The following SAMD12 variants were observed in gnomAD, a reference collection of about 807,000 sequenced individuals.
The protein encoded by SAMD12 is sterile alpha motif domain containing 12.
Under a neutral mutation model 15.0 loss-of-function variants are expected in SAMD12, and 9 were observed. The ratio of observed to expected loss-of-function variants is 0.60; its 90% confidence interval spans 0.36 to 1.05. The LOEUF is 1.05. Ranked by LOEUF, SAMD12 falls within the 50% of genes least tolerant of loss-of-function variation. SAMD12 has a pLI of 0.01. For synonymous variants in SAMD12, 86 were observed against 90.1 expected (o/e 0.96, Z 0.25); for missense variants, 230 against 234.2 (o/e 0.98, Z 0.12).
Position 118,537,841 on chromosome 8 carries a change from C to T in SAMD12, c.192+42874G>A, listed in dbSNP as rs143312525. 1.9e-3 allele frequency among the ~76,000 whole-genome samples: 282 copies of T among 152,240 alleles called. 1 individual carries two copies. The highest frequency in any genetic ancestry group is 5.5e-3 in the African/African-American group (227 of 41,534). On this transcript the variant is annotated intron_variant, in intron 2 of 3. Coordinates refer to ENST00000314727, the MANE Select transcript of SAMD12 (RefSeq NM_207506.3). The stretch of plus-strand genomic sequence containing the variant: ...AGTCCTTTTGTTGAGGTAATGTTTT[C>T]CTGGATTACACTGATGCTTGTCAGT...
At chr8:118,594,424 A>G (rs952188238) in intron 1 of SAMD12, among the ~76,000 whole-genome samples, 6 of 152,180 alleles carry the variant, frequency 3.9e-5, no homozygotes, top group Non-Finnish European at 8.8e-5. Flanking sequence ...AAAAAAACCT[A>G]TAGAAACTCT....
At chr8:118,257,352 A>G (rs1401664053) in intron 4 of SAMD12, among the ~76,000 whole-genome samples, 2 of 152,220 alleles carry the variant, frequency 1.3e-5, no homozygotes, top group East Asian at 3.9e-4. Context: ...ACCTATCTGA[A>G]ATGCTGAGAC....
intron 2 of SAMD12, among the ~76,000 whole-genome samples, chr8:118,476,856 G>A (rs1408062211): frequency 3.9e-5 from 6 of 152,176 alleles, no homozygotes; most frequent in Middle Eastern, 3.4e-3. Flanking sequence ...TCTTTAGCTC[G>A]AGTAGTTCTC....
intron 4 of SAMD12, among the ~76,000 whole-genome samples, chr8:118,224,633 CAAAT>C (rs1194391865): frequency 1.3e-5 from 2 of 152,028 alleles, no homozygotes; most frequent in African/African-American, 2.4e-5. Context: ...GAAAATAAAA[CAAAT>C]AAAAGGGATT....
chr8:118,285,798 G>C (rs1048333386), intron 4 of SAMD12, among the ~76,000 whole-genome samples: 3 of 152,226 alleles, frequency 2.0e-5, no homozygotes, highest in Admixed American at 2.0e-4. Context: ...TCTGGTGCAT[G>C]ATGGGTGTAC....
intron 4 of SAMD12, among the ~76,000 whole-genome samples, chr8:118,341,118 C>T (rs1453206680): frequency 6.6e-6 from 1 of 152,168 alleles, no homozygotes; most frequent in Non-Finnish European, 1.5e-5. Context: ...CACCTTAGCG[C>T]TCCTTGACCT....
At chr8:118,541,678 T>G (rs1194095951) in intron 2 of SAMD12, among the ~76,000 whole-genome samples, 1 of 152,170 alleles carries the variant, frequency 6.6e-6, no homozygotes, top group African/African-American at 2.4e-5. Flanking sequence ...AGATTGTAAA[T>G]TCCTTATAGA....
chr8:118,436,160 CACTG>C (rs1822570480), intron 3 of SAMD12, among the ~76,000 whole-genome samples: 1 of 152,106 alleles, frequency 6.6e-6, no homozygotes, highest in African/African-American at 2.4e-5. Flanking sequence ...CTACATGGAT[CACTG>C]ACTATCTTAC....
chr8:118,598,450 A>G (rs1827777227), intron 1 of SAMD12, among the ~76,000 whole-genome samples: 1 of 152,212 alleles, frequency 6.6e-6, no homozygotes, highest in Non-Finnish European at 1.5e-5. Context: ...AAACCTGCTG[A>G]CACCTTGATC....
chr8:118,598,529 T>C (rs1827779391), intron 1 of SAMD12, among the ~76,000 whole-genome samples: 1 of 152,240 alleles, frequency 6.6e-6, no homozygotes. Context: ...GTCTGTGATA[T>C]TTTGTTATGG....
intron 1 of SAMD12, among the ~76,000 whole-genome samples, chr8:118,604,206 T>A (rs1179988119): frequency 6.6e-6 from 1 of 152,204 alleles, no homozygotes; most frequent in Admixed American, 6.5e-5. Flanking sequence ...AGTACAATGT[T>A]GTCAGCATCA....
downstream of SAMD12, among the ~76,000 whole-genome samples, chr8:118,184,832 CT>C (rs562702398): frequency 1.3e-5 from 2 of 152,068 alleles, no homozygotes; most frequent in Non-Finnish European, 2.9e-5. Context: ...TTCACCCTCT[CT>C]CTAATTCCCC....
chr8:118,607,370 G>T lies in SAMD12; in HGVS notation c.13+14434C>A, dbSNP rs570612184. Among the ~76,000 whole-genome samples the T allele has an allele frequency of 2.0e-4, 31 of 152,156 alleles. No homozygotes were observed. In the South Asian group the frequency reaches 2.3e-3, roughly 11 times the overall value. On this transcript the variant is annotated intron_variant, in intron 1 of 3. Coordinates refer to ENST00000314727, the MANE Select transcript of SAMD12 (RefSeq NM_207506.3). Reference sequence around the variant, plus strand: ...CCTGCCCCAGCCTCCCGAGTAGCTGGGACTACAGGCATGTGCCACGACGCC... The same window carrying T: ...CCTGCCCCAGCCTCCCGAGTAGCTGTGACTACAGGCATGTGCCACGACGCC...
chr8:118,427,678 C>A (rs542708351), intron 3 of SAMD12, among the ~76,000 whole-genome samples: 1 of 152,232 alleles, frequency 6.6e-6, no homozygotes, highest in South Asian at 2.1e-4. Flanking sequence ...ACAATTTATT[C>A]TCGTCTTGAC....
intron 2 of SAMD12, among the ~76,000 whole-genome samples, chr8:118,480,186 G>A (rs757005848): frequency 6.4e-4 from 97 of 152,164 alleles, no homozygotes; most frequent in Non-Finnish European, 1.1e-3. Context: ...TGTGGAAAGC[G>A]GCAGCATCAT....
chr8:118,501,468 T>TA (rs1695534984), intron 2 of SAMD12, among the ~76,000 whole-genome samples: 1 of 152,144 alleles, frequency 6.6e-6, no homozygotes, highest in Admixed American at 6.5e-5. Flanking sequence ...AATAAATAAT[T>TA]AAAAAAATTT....
chr8:118,491,274 G>T (rs1824433834), intron 2 of SAMD12, among the ~76,000 whole-genome samples: 1 of 152,128 alleles, frequency 6.6e-6, no homozygotes, highest in Non-Finnish European at 1.5e-5. Context: ...GAAAGAATCT[G>T]CTTAAATGCC....
Position 118,621,881 on chromosome 8 carries a change from TC to T in SAMD12, c.-66del, listed in dbSNP as rs1179911219. 18 of 1,530,260 alleles carry T rather than the reference TC, an allele frequency of 1.2e-5. No homozygotes were observed. The African/African-American group carries it at 1.9e-4, about 16-fold the overall frequency. The allele number at this position is 1,530,260 out of a possible 1,614,324, so 94.8% of individuals were successfully genotyped here. A position where few individuals can be genotyped will look rare whatever the true frequency, so the allele number is the denominator to read the frequency against. ...CCGAGGTACTCCTCCTGCCCCGCGCTCCCCCCTTCCTCTCGCTTTCGCCTAA... is the reference window on the plus strand; with the variant it reads ...CCGAGGTACTCCTCCTGCCCCGCGCTCCCCCTTCCTCTCGCTTTCGCCTAA... On this transcript the variant is annotated 5_prime_UTR_variant, in exon 1 of 4. Transcript: ENST00000314727.
intron 2 of SAMD12, among the ~76,000 whole-genome samples, chr8:118,518,183 C>T (rs1030225920): frequency 1.3e-5 from 2 of 152,248 alleles, no homozygotes; most frequent in Middle Eastern, 3.4e-3. Context: ...CATATGCCTA[C>T]CACTGTAGAT....
Sources: allele counts gnomAD v4.1 joint callset (sites outside exome capture counted in the v4.1 genomes callset), GRCh38; gene constraint gnomAD v4.1.1; transcripts MANE v1.5; gene names NCBI Gene and HGNC (gene_info 2026-07-23, HGNC 2026-07-21).